Variants in CAMK2G observed in about 807,000 individuals in gnomAD.
CAMK2G encodes the protein calcium/calmodulin-dependent protein kinase type II subunit gamma.
In CAMK2G, 23 loss-of-function variants were observed where a neutral mutation model predicts 88.7. The ratio of observed to expected loss-of-function variants is 0.26; its 90% confidence interval spans 0.19 to 0.37. The LOEUF is 0.37. CAMK2G is among the 10% of genes least tolerant of loss of function. The pLI is 1.00. For synonymous variants in CAMK2G, 263 were observed against 294.8 expected (o/e 0.89, Z 1.11); for missense variants, 476 against 780.8 (o/e 0.61, Z 4.65).
intron 15 of CAMK2G, 142 bp from the exon 16 acceptor site, chr10:73,825,489 C>T (rs773417062): frequency 7.5e-6 from 5 of 666,760 alleles, no homozygotes; most frequent in African/African-American, 1.8e-5. Context: ...TAGATGGGAG[C>T]GATGGCTAGA....
intron 18 of CAMK2G, among the ~76,000 whole-genome samples, chr10:73,820,458 TTATATTTA>T (rs1387452893): frequency 2.0e-5 from 2 of 99,434 alleles, no homozygotes; most frequent in African/African-American, 9.7e-5. Flanking sequence ...TATCTGGGTT[TTATATTTA>T]TATATATATA....
chr10:73,862,340 C>G (rs1230239761), intron 2 of CAMK2G, among the ~76,000 whole-genome samples: 1 of 145,366 alleles, frequency 6.9e-6, no homozygotes, highest in African/African-American at 2.5e-5. Context: ...TCACGATTCT[C>G]ACATCATATA....
chr10:73,819,783 G>A (rs1053450103), intron 18 of CAMK2G, 138 bp from the exon 19 acceptor site: 2 of 605,922 alleles, frequency 3.3e-6, no homozygotes, highest in Admixed American at 3.1e-5. Flanking sequence ...CCTCGCCTCA[G>A]GCTGCTGTGG....
At position 73,839,074 on chromosome 10, in the gene CAMK2G, G is replaced by A. The variant is rs1020547780; in HGVS notation, c.1009+465C>T. ...TGTGAACCCAGAAACAGCTGGCTCT[G>A]AGGCTTCTGCACTCTGGAGCCTTTC... On this transcript the variant is annotated intron_variant, in intron 13 of 22. Coordinates refer to ENST00000423381, the MANE Select transcript of CAMK2G (RefSeq NM_001367534.1). This position sits in a 1 kb window ranked among gnomAD's most constrained non-coding sequence, Gnocchi z 4.2. Among the ~76,000 whole-genome samples the A allele has an allele frequency of 2.0e-5, 3 of 152,240 alleles. No homozygotes were observed. The highest frequency in any genetic ancestry group is 4.4e-5 in the Non-Finnish European group (3 of 68,032).
intron 4 of CAMK2G, 104 bp downstream of exon 4, chr10:73,853,088 G>C (rs2135159280): frequency 9.7e-7 from 1 of 1,035,534 alleles, no homozygotes; most frequent in East Asian, 2.4e-5. Flanking sequence ...CAAAGGAGGG[G>C]GCCCTGGGCG....
chr10:73,847,890 C>T (rs1351062741), intron 9 of CAMK2G, 98 bp downstream of exon 9: 2 of 733,144 alleles, frequency 2.7e-6, no homozygotes, highest in East Asian at 5.0e-5. Context: ...ACCCCCGTAT[C>T]ACGTGACACA....
intron 10 of CAMK2G, among the ~76,000 whole-genome samples, chr10:73,845,212 T>A (rs1217689103): frequency 6.6e-5 from 10 of 152,140 alleles, no homozygotes; most frequent in Non-Finnish European, 8.8e-5. Context: ...TCTTTTCTAA[T>A]CTCTAGGACC....
chr10:73,828,746 C>T (rs374547152), intron 14 of CAMK2G, among the ~76,000 whole-genome samples: 1 of 152,258 alleles, frequency 6.6e-6, no homozygotes, highest in South Asian at 2.1e-4. Flanking sequence ...TTTTGCAATT[C>T]GTGGAAAATA....
rs2093559447 is a variant in CAMK2G, at chr10:73,839,348, C to T, written c.1009+191G>A. On this transcript the variant is annotated intron_variant, in intron 13 of 22. Coordinates refer to ENST00000423381, the MANE Select transcript of CAMK2G (RefSeq NM_001367534.1). This position sits in a 1 kb window ranked among gnomAD's most constrained non-coding sequence, Gnocchi z 4.2. ...TGAAAGTTGGCAAGCGCCCAGCATG[C>T]ATGGCTGGTTAGGGGGCTCCATAAC... Among the ~76,000 whole-genome samples, 1 of 152,218 alleles carries T rather than the reference C, an allele frequency of 6.6e-6. No homozygotes were observed. The highest frequency in any genetic ancestry group is 1.5e-5 in the Non-Finnish European group (1 of 68,044).
chr10:73,862,178 C>T (rs149718474), intron 2 of CAMK2G, among the ~76,000 whole-genome samples: 2,609 of 152,058 alleles, frequency 0.017, 34 homozygotes, highest in Non-Finnish European at 0.026. Context: ...ACGGAGGCCT[C>T]ACAGCCCTCC....
intron 4 of CAMK2G, 50 bp from the exon 5 acceptor site, chr10:73,852,369 C>A: frequency 6.8e-7 from 1 of 1,468,426 alleles, no homozygotes; most frequent in Non-Finnish European, 9.6e-7. Context: ...GTCCTTTGTC[C>A]AACCCCAATG....
In CAMK2G at chr10:73,817,062, C is replaced by T. The variant is rs954848322; in HGVS notation, c.1495G>A (p.Val499Met). 6 of 1,613,928 alleles carry T rather than the reference C, an allele frequency of 3.7e-6. No individual in the cohort carries two copies. The highest frequency in any genetic ancestry group is 1.3e-5 in the African/African-American group (1 of 74,888). Residue 499 changes from valine (V) to methionine (M), a missense_variant, in exon 21 of 23, where the codon GTG (valine) becomes ATG (methionine). Transcript: ENST00000423381. The part of the protein sequence containing the change: ...SFEPEALGNL[V>M]EGMDFHKFYF... The stretch of plus-strand genomic sequence containing the variant: ...AACTTATGGAAATCCATCCCCTCCA[C>T]GAGGTTACCAAGGGCCTCAGGCTCA...
chr10:73,816,752 C>G (rs1206533584), intron 21 of CAMK2G: 11 of 1,412,188 alleles, frequency 7.8e-6, no homozygotes, highest in Middle Eastern at 4.8e-4. Context: ...AGCCACCGCG[C>G]CCGGCAAGAA....
intron 18 of CAMK2G, among the ~76,000 whole-genome samples, chr10:73,820,496 T>A (rs866237375): frequency 9.0e-3 from 504 of 55,850 alleles, no homozygotes; most frequent in South Asian, 0.03. Context: ...ATATATATTT[T>A]TTTTTTTTTT....
intron 18 of CAMK2G, among the ~76,000 whole-genome samples, chr10:73,820,584 C>G (rs1306987456): frequency 6.9e-6 from 1 of 144,912 alleles, no homozygotes; most frequent in Non-Finnish European, 1.5e-5. Context: ...GCAACCTCCA[C>G]CTCCCGGGTT....
chr10:73,837,539 C>T (rs1342169996), intron 13 of CAMK2G, 28 bp from the exon 14 acceptor site: 3 of 1,591,242 alleles, frequency 1.9e-6, no homozygotes, highest in Non-Finnish European at 1.7e-6. Flanking sequence ...AATATCAAGT[C>T]TCCTGCATTG....
intron 10 of CAMK2G, 93 bp downstream of exon 10, chr10:73,847,128 AGAAT>A: frequency 7.7e-7 from 1 of 1,303,428 alleles, no homozygotes; most frequent in Non-Finnish European, 1.1e-6. Flanking sequence ...CTTGGGGCCC[AGAAT>A]GAATCTCTGC....
intron 3 of CAMK2G, among the ~76,000 whole-genome samples, chr10:73,856,877 C>T (rs1340779023): frequency 1.3e-5 from 2 of 152,220 alleles, no homozygotes; most frequent in Non-Finnish European, 1.5e-5. Flanking sequence ...AATGTTGTGG[C>T]TATTTCCAAT....
At chr10:73,837,813 G>C (rs1256625766) in intron 13 of CAMK2G, among the ~76,000 whole-genome samples, 1 of 152,188 alleles carries the variant, frequency 6.6e-6, no homozygotes, top group African/African-American at 2.4e-5. Flanking sequence ...CTCTGCCTTT[G>C]ACAGCTTCCA....
Sources: allele counts gnomAD v4.1 joint callset (sites outside exome capture counted in the v4.1 genomes callset), GRCh38; gene constraint gnomAD v4.1.1; non-coding constraint Gnocchi (gnomAD v3.1); transcripts MANE v1.5; gene names NCBI Gene and HGNC (gene_info 2026-07-23, HGNC 2026-07-21).